The following MYBPC1 variants were observed in gnomAD, a reference collection of about 807,000 sequenced individuals.
MYBPC1 encodes the protein myosin-binding protein C, slow-type.
A neutral mutation model predicts 147.1 loss-of-function variants in MYBPC1; 52 were observed. The observed-to-expected ratio is 0.35, with a 90% CI of 0.28 to 0.45. The LOEUF (loss-of-function observed/expected upper bound fraction) is 0.45. MYBPC1 is among the 20% of genes least tolerant of loss of function. The probability of loss-of-function intolerance (pLI) is 1.00; values close to 1 mark genes in which losing one functional copy is unlikely to be tolerated. For missense variants in MYBPC1, 1,228 were observed against 1,440.3 expected, an observed-to-expected ratio of 0.85 and a Z score of 2.39; for synonymous variants, 477 against 475.9, an observed-to-expected ratio of 1.00 and a Z score of -0.03.
At chr12:101,616,607 C>G (rs926384350) in intron 2 of MYBPC1, among the ~76,000 whole-genome samples, 5 of 152,068 alleles carry the variant, frequency 3.3e-5, no homozygotes, top group African/African-American at 1.2e-4. Flanking sequence ...AATATGATCC[C>G]AAACACAGAG....
At chr12:101,683,949 C>A (rs1483652406) in intron 30 of MYBPC1, among the ~76,000 whole-genome samples, 1 of 151,800 alleles carries the variant, frequency 6.6e-6, no homozygotes, top group African/African-American at 2.4e-5. Flanking sequence ...GATAATTTTG[C>A]CTTTTAGAAT....
chr12:101,678,887 C>T (rs1235112457), intron 28 of MYBPC1, among the ~76,000 whole-genome samples: 2 of 152,110 alleles, frequency 1.3e-5, no homozygotes, highest in South Asian at 4.1e-4. Context: ...GTCGTCCGGG[C>T]GCAGTGGCTC....
At chr12:101,686,975 G>A (rs1394765318), downstream of MYBPC1, among the ~76,000 whole-genome samples, 1 of 151,976 alleles carries the variant, frequency 6.6e-6, no homozygotes, top group Non-Finnish European at 1.5e-5. Context: ...CTGCTCCTAT[G>A]CTCCCAAAAA....
At chr12:101,678,321 C>G (rs192477249) in intron 28 of MYBPC1, 83 bp downstream of exon 28, 41 of 1,560,738 alleles carry the variant, frequency 2.6e-5, no homozygotes, top group Non-Finnish European at 3.4e-5. Context: ...GTAAACAAAT[C>G]CAGCTGCTAC....
chr12:101,597,471 T>C lies in MYBPC1; in HGVS notation c.25+2376T>C, dbSNP rs570039674. On this transcript the variant is annotated intron_variant, in intron 1 of 31. Coordinates refer to ENST00000361466, the MANE Select transcript of MYBPC1 (RefSeq NM_002465.4). The stretch of plus-strand genomic sequence containing the variant: ...TCAGCACCTGAAGGTACAAAAAATG[T>C]CTCACTCAACTACTTCCCAGCCTAC... Among the ~76,000 whole-genome samples the C allele has an allele frequency of 2.6e-5, 4 of 152,284 alleles. No individual in the cohort carries two copies. The South Asian group carries it at 8.3e-4, about 32-fold the overall frequency.
intron 30 of MYBPC1, 128 bp downstream of exon 30, chr12:101,682,790 C>T: frequency 2.3e-6 from 2 of 857,410 alleles, no homozygotes; most frequent in Non-Finnish European, 1.9e-6. Flanking sequence ...CAGCTCATGG[C>T]ATACAGTGCT....
At chr12:101,678,499 T>C (rs560429116) in intron 28 of MYBPC1, among the ~76,000 whole-genome samples, 1 of 152,356 alleles carries the variant, frequency 6.6e-6, no homozygotes, top group East Asian at 1.9e-4. Flanking sequence ...TGTAAGGAGA[T>C]GGAAGTATAA....
At chr12:101,652,594 T>C (rs1894723249) in intron 16 of MYBPC1, 84 bp from the exon 17 acceptor site, 4 of 935,422 alleles carry the variant, frequency 4.3e-6, no homozygotes, top group Non-Finnish European at 7.1e-6. Flanking sequence ...GTTAATCAGA[T>C]AAAGGTCAAG....
At chr12:101,684,332 T>G (rs528149036) in intron 30 of MYBPC1, 50 bp from the exon 31 acceptor site, 1 of 1,458,752 alleles carries the variant, frequency 6.9e-7, no homozygotes, top group East Asian at 2.3e-5. Flanking sequence ...TGTTAGCACT[T>G]TATTAATGCT....
At chr12:101,613,039 T>C (rs1470253369) in intron 1 of MYBPC1, among the ~76,000 whole-genome samples, 1 of 152,234 alleles carries the variant, frequency 6.6e-6, no homozygotes. Context: ...TGTCTTTTGG[T>C]TATATATATC....
rs367850466 is a variant in MYBPC1, at chr12:101,675,273, C to A, written c.2810-19C>A. The A allele has an allele frequency of 4.7e-5, 76 of 1,613,748 alleles. No homozygotes were observed. The highest frequency in any genetic ancestry group is 6.0e-5 in the Non-Finnish European group (71 of 1,179,864). On this transcript the variant is annotated intron_variant, in intron 25 of 31. Coordinates refer to ENST00000361466, the MANE Select transcript of MYBPC1 (RefSeq NM_002465.4). ...GAAAGAAAGTGACCTTGCAGTGACA[C>A]CATGAATTCATCCTGTAGACCGTCC...
In MYBPC1 at chr12:101,648,159, C is replaced by T; in HGVS notation, c.1196+9C>T. 1 of 1,590,874 alleles carries T rather than the reference C, an allele frequency of 6.3e-7. No individual in the cohort carries two copies. Among genetic ancestry groups the T allele is most frequent in the East Asian group, 2.2e-5 (1 of 44,542 alleles). Reference sequence around the variant, plus strand: ...GATGCCAATGTAAAATGGTAAATAGCCTTAATGAAGTCTGTCCATGTTTAA... The same window carrying T: ...GATGCCAATGTAAAATGGTAAATAGTCTTAATGAAGTCTGTCCATGTTTAA... On this transcript the variant is annotated intron_variant, in intron 14 of 31. Coordinates refer to ENST00000361466, the MANE Select transcript of MYBPC1 (RefSeq NM_002465.4).
Position 101,667,913 on chromosome 12 carries a change from C to G in MYBPC1, c.2524+14C>G. ...AGGAAATCATAGGTAGGAGACAAGG[C>G]TTTCAAAAGTTAGACTCCATTTTAC... On this transcript the variant is annotated intron_variant, in intron 23 of 31. Coordinates refer to ENST00000361466, the MANE Select transcript of MYBPC1 (RefSeq NM_002465.4). 6.2e-7 allele frequency: 1 copy of G among 1,612,756 alleles called. No individual in the cohort carries two copies. Among genetic ancestry groups the G allele is most frequent in the Non-Finnish European group, 8.5e-7 (1 of 1,179,292 alleles).
intron 1 of MYBPC1, among the ~76,000 whole-genome samples, chr12:101,607,236 G>A (rs113832748): frequency 0.013 from 1,980 of 152,216 alleles, 36 homozygotes; most frequent in African/African-American, 0.045. Flanking sequence ...GGGCATATGA[G>A]GTCCAGGTTG....
At chr12:101,600,382 C>T (rs1444124223) in intron 1 of MYBPC1, 3 of 151,894 alleles carry the variant, frequency 2.0e-5, no homozygotes, top group Non-Finnish European at 4.4e-5. Flanking sequence ...ATCCCCGAAT[C>T]AAACATGAAT....
intron 1 of MYBPC1, among the ~76,000 whole-genome samples, chr12:101,599,863 C>A (rs530528801): frequency 6.8e-4 from 104 of 152,210 alleles, no homozygotes; most frequent in Middle Eastern, 3.4e-3. Flanking sequence ...AGATTCATGG[C>A]ATATATTTGA....
downstream of MYBPC1, among the ~76,000 whole-genome samples, chr12:101,688,279 C>T (rs370749280): frequency 6.6e-6 from 1 of 151,990 alleles, no homozygotes; most frequent in Non-Finnish European, 1.5e-5. Flanking sequence ...ATTAGTTGGG[C>T]GTGGTGGCAC....
chr12:101,626,020 G>A (rs765937485), intron 3 of MYBPC1, among the ~76,000 whole-genome samples: 2 of 149,172 alleles, frequency 1.3e-5, no homozygotes, highest in African/African-American at 2.5e-5. Context: ...CCCGGGAGGC[G>A]GAGGTTGCGG....
chr12:101,651,570 A>C (rs1318837414), intron 16 of MYBPC1, among the ~76,000 whole-genome samples, 177 bp downstream of exon 16: 1 of 152,158 alleles, frequency 6.6e-6, no homozygotes, highest in Admixed American at 6.6e-5. Flanking sequence ...AGCATGTCCT[A>C]CTCATAATCC....
Sources: gnomAD v4.1 joint callset for allele counts (sites outside exome capture counted in the v4.1 genomes callset) on GRCh38, gnomAD v4.1.1 for gene constraint, MANE v1.5 for transcripts, NCBI Gene and HGNC (gene_info 2026-07-23, HGNC 2026-07-21) for gene names.